The following GSTO1 variants were observed in gnomAD, a reference collection of about 807,000 sequenced individuals.
GSTO1 encodes glutathione S-transferase omega 1, also known as glutathione S-transferase omega-1.
In GSTO1, 27 loss-of-function variants were observed where a neutral mutation model predicts 23.8. The ratio of observed to expected loss-of-function variants is 1.13; its 90% confidence interval spans 0.83 to 1.56. GSTO1 has a LOEUF of 1.56. Among genes scored for constraint, GSTO1 ranks in the 40% most tolerant of loss-of-function variants. The probability of loss-of-function intolerance (pLI) is 0.00; values close to 1 mark genes in which losing one functional copy is unlikely to be tolerated. For synonymous variants in GSTO1, 105 were observed against 109.3 expected, an observed-to-expected ratio of 0.96 and a Z score of 0.25; for missense variants, 255 against 285.8, an observed-to-expected ratio of 0.89 and a Z score of 0.78.
intron 2 of GSTO1, among the ~76,000 whole-genome samples, chr10:104,257,896 C>T (rs2011108777): frequency 6.6e-6 from 1 of 152,094 alleles, no homozygotes. Flanking sequence ...AAAATATTTA[C>T]TGAGTCCTTA....
intron 2 of GSTO1, among the ~76,000 whole-genome samples, chr10:104,256,471 GGGCA>G (rs1479188506): frequency 6.6e-6 from 1 of 152,110 alleles, no homozygotes; most frequent in Admixed American, 6.5e-5. Flanking sequence ...TTATTTACTG[GGGCA>G]GTTTTCCAAA....
At chr10:104,262,256 A>G (rs1184899755) in intron 3 of GSTO1, among the ~76,000 whole-genome samples, 1 of 152,208 alleles carries the variant, frequency 6.6e-6, no homozygotes, top group Non-Finnish European at 1.5e-5. Flanking sequence ...ACTTTCTGGC[A>G]GCCTCACAAA....
intron 2 of GSTO1, among the ~76,000 whole-genome samples, chr10:104,258,005 C>A (rs949146248): frequency 4.6e-5 from 7 of 152,182 alleles, no homozygotes; most frequent in African/African-American, 1.7e-4. Flanking sequence ...CAAGATCCCA[C>A]CTTTCGTGAA....
Position 104,267,403 on chromosome 10 carries a change from T to G in GSTO1, c.724T>G (p.Ter242GlyextTer?), listed in dbSNP as rs1220103732. ...NSPEACDYGL* is the reference protein window; with the variant it reads ...NSPEACDYGLG ...CCCTGAGGCCTGTGACTATGGGCTCTGAAGGGGGCAGGAGTCAGCAATAAA... is the reference window on the plus strand; with the variant it reads ...CCCTGAGGCCTGTGACTATGGGCTCGGAAGGGGGCAGGAGTCAGCAATAAA... Residue 242 changes from the stop codon to glycine, a stop_lost, in exon 6 of 6, where the codon TGA becomes GGA. Transcript: ENST00000369713. 9 of 1,606,224 alleles carry G rather than the reference T, an allele frequency of 5.6e-6. No individual in the cohort carries two copies. Among genetic ancestry groups the G allele is most frequent in the Middle Eastern group, 1.7e-4 (1 of 5,932 alleles).
In GSTO1 at chr10:104,255,225, C is replaced by T. The variant is rs764679950; in HGVS notation, c.97C>T (p.Pro33Ser). 5.0e-6 allele frequency: 8 copies of T among 1,613,730 alleles called. No individual in the cohort carries two copies. In the East Asian group the frequency reaches 1.6e-4, roughly 31 times the overall value. ...SIRIYSMRFC[P>S]FAERTRLVLK... ...CCGCATCTACAGCATGAGGTTCTGCCCGTTTGCTGAGAGGACGCGTCTAGT... is the reference window on the plus strand; with the variant it reads ...CCGCATCTACAGCATGAGGTTCTGCTCGTTTGCTGAGAGGACGCGTCTAGT... Residue 33 changes from proline to serine, a missense_variant, in exon 2 of 6, where the codon CCG becomes TCG. Physicochemically the swap from Pro to Ser is moderately conservative, Grantham distance 74 (BLOSUM62 -1). Coordinates refer to ENST00000369713, the MANE Select transcript of GSTO1 (RefSeq NM_004832.3).
intron 2 of GSTO1, among the ~76,000 whole-genome samples, chr10:104,258,073 A>G (rs1444993787): frequency 6.6e-6 from 1 of 152,234 alleles, no homozygotes. Flanking sequence ...AATTTCAGAT[A>G]CATATTATCA....
chr10:104,254,873 C>A, upstream of GSTO1: 1 of 1,566,906 alleles, frequency 6.4e-7, no homozygotes, highest in Non-Finnish European at 8.7e-7. Flanking sequence ...GGACGCGCCA[C>A]CTACTTCCTG....
At chr10:104,260,905 GGGA>G (rs2011134048) in intron 3 of GSTO1, among the ~76,000 whole-genome samples, 1 of 152,134 alleles carries the variant, frequency 6.6e-6, no homozygotes, top group Non-Finnish European at 1.5e-5. Flanking sequence ...ATAATGTAAA[GGGA>G]ACATGACATT....
intron 2 of GSTO1, among the ~76,000 whole-genome samples, chr10:104,255,800 T>G (rs558280830): frequency 6.6e-6 from 1 of 152,320 alleles, no homozygotes; most frequent in East Asian, 1.9e-4. Flanking sequence ...TTGAGTCAAA[T>G]AGAGGGAAGT....
At chr10:104,264,688 C>A (rs1045397970) in intron 4 of GSTO1, among the ~76,000 whole-genome samples, 1 of 152,150 alleles carries the variant, frequency 6.6e-6, no homozygotes. Flanking sequence ...CCACCGTAAG[C>A]TGAAAATATC....
intron 2 of GSTO1, among the ~76,000 whole-genome samples, chr10:104,257,668 A>G (rs2135053104): frequency 1.3e-5 from 2 of 152,296 alleles, no homozygotes; most frequent in East Asian, 3.9e-4. Flanking sequence ...GGATTCCTTA[A>G]TATCTTCATA....
chr10:104,258,048 A>G (rs892702307), intron 2 of GSTO1, among the ~76,000 whole-genome samples: 5 of 152,238 alleles, frequency 3.3e-5, no homozygotes, highest in Non-Finnish European at 5.9e-5. Context: ...AAACTTGTAA[A>G]TAAGTGAGCA....
At chr10:104,260,188 C>T (rs2011127815) in intron 3 of GSTO1, among the ~76,000 whole-genome samples, 1 of 152,190 alleles carries the variant, frequency 6.6e-6, no homozygotes, top group African/African-American at 2.4e-5. Context: ...GCTCTAGCTT[C>T]TGAGTTCCCA....
chr10:104,260,636 C>G (rs1054621888), intron 3 of GSTO1, among the ~76,000 whole-genome samples: 1 of 152,166 alleles, frequency 6.6e-6, no homozygotes, highest in Non-Finnish European at 1.5e-5. Flanking sequence ...AAAGAAATGA[C>G]TAAAAGATGT....
chr10:104,257,459 G>A (rs138955352), intron 2 of GSTO1, among the ~76,000 whole-genome samples: 245 of 151,736 alleles, frequency 1.6e-3, no homozygotes, highest in African/African-American at 5.2e-3. Context: ...TCTCACCTCA[G>A]CATCCGGAGT....
chr10:104,265,828 G>C (rs571225979), intron 4 of GSTO1, among the ~76,000 whole-genome samples: 40 of 152,112 alleles, frequency 2.6e-4, no homozygotes, highest in African/African-American at 8.9e-4. Context: ...CCAGTCCTTT[G>C]TATTACAAAT....
chr10:104,255,709 C>T (rs2091600014), intron 2 of GSTO1, among the ~76,000 whole-genome samples: 1 of 152,150 alleles, frequency 6.6e-6, no homozygotes, highest in Non-Finnish European at 1.5e-5. Context: ...TAATTTACCC[C>T]AGTACAGCAG....
chr10:104,266,174 G>T lies in GSTO1; in HGVS notation c.556G>T (p.Ala186Ser). The change falls in exon 5 of 6, where the codon GCA becomes TCA. Residue 186 changes from alanine (A) to serine (S), a missense_variant. By Grantham distance (99) the Ala-to-Ser change is moderately conservative (BLOSUM62 1). Coordinates refer to ENST00000369713, the MANE Select transcript of GSTO1 (RefSeq NM_004832.3). Reference sequence around the variant, plus strand: ...CTGGCCCTGGTTTGAACGGCTGGAAGCAATGAAGTTAAATGAGTAAGATAT... The same window carrying T: ...CTGGCCCTGGTTTGAACGGCTGGAATCAATGAAGTTAAATGAGTAAGATAT... ...LIWPWFERLE[A>S]MKLNECVDHT... The T allele has an allele frequency of 6.3e-7, 1 of 1,586,100 alleles. No homozygotes were observed. The highest frequency in any genetic ancestry group is 1.3e-5 in the African/African-American group (1 of 74,482).
At chr10:104,257,864 TTA>T (rs2011108633) in intron 2 of GSTO1, among the ~76,000 whole-genome samples, 1 of 152,242 alleles carries the variant, frequency 6.6e-6, no homozygotes, top group Non-Finnish European at 1.5e-5. Flanking sequence ...ATTCATTCAT[TTA>T]TATGAAATAT....
Sources: allele counts gnomAD v4.1 joint callset (sites outside exome capture counted in the v4.1 genomes callset), GRCh38; gene constraint gnomAD v4.1.1; transcripts MANE v1.5; gene names NCBI Gene and HGNC (gene_info 2026-07-23, HGNC 2026-07-21).